ZNF469: variants seen among roughly 807,000 people sequenced by gnomAD.
ZNF469 encodes zinc finger protein 469.
ZNF469 carries 1 observed loss-of-function variant against 1.0 expected under a neutral mutation model. The ratio of observed to expected loss-of-function variants is 1.00; its 90% CI spans 0.35 to 4.73. ZNF469 has a LOEUF of 4.73. Ranked by LOEUF, ZNF469 falls within the 30% of genes most tolerant of loss-of-function variation. ZNF469 has a pLI of 0.16. For missense variants in ZNF469, 6,100 were observed against 5,356.3 expected (o/e 1.14, Z -4.33); for synonymous variants, 2,703 against 2,363.4 (o/e 1.14, Z -4.17).
At position 88,437,558 on chromosome 16, in the gene ZNF469, G is replaced by T; in HGVS notation, c.10088G>T (p.Arg3363Leu). 1 of 1,537,992 alleles carries T rather than the reference G, an allele frequency of 6.5e-7. No homozygotes were observed. Among genetic ancestry groups the T allele is most frequent in the Non-Finnish European group, 8.8e-7 (1 of 1,138,066 alleles). Residue 3363 changes from arginine (R) to leucine (L), a missense_variant, in exon 3 of 3, where the codon CGC becomes CTC. Coordinates refer to ENST00000565624, the MANE Select transcript of ZNF469 (RefSeq NM_001367624.2). ...CACCTGGCGGTGCACAGCCCGCAGC[G>T]CGTCTACCTGTGCCCCCGGTGCCCC... The part of the protein sequence containing the change: ...QRHLAVHSPQ[R>L]VYLCPRCPRV...
the ZNF469 span, among the ~76,000 whole-genome samples, chr16:88,359,605 A>G: frequency 5.7e-3 from 872 of 152,350 alleles, 11 homozygotes; most frequent in African/African-American, 0.019. Context: ...GTTTCAGTCC[A>G]CTTATCTAAG....
chr16:88,239,635 C>T, the ZNF469 span, among the ~76,000 whole-genome samples: 1 of 133,248 alleles, frequency 7.5e-6, no homozygotes, highest in Non-Finnish European at 1.6e-5. Context: ...CTACAGGCAC[C>T]TGCCACCACG....
the ZNF469 span, among the ~76,000 whole-genome samples, chr16:88,353,867 G>A: frequency 1.3e-5 from 2 of 152,190 alleles, no homozygotes; most frequent in African/African-American, 4.8e-5. Flanking sequence ...CTCTCCTGGA[G>A]CTTCCGGAGG....
At chr16:88,364,489 CAAA>C in the ZNF469 span, among the ~76,000 whole-genome samples, 91 of 56,152 alleles carry the variant, frequency 1.6e-3, no homozygotes, top group East Asian at 4.7e-3. Flanking sequence ...TGTTGATTTC[CAAA>C]AAAAAAAAAA....
chr16:88,366,803 T>C, the ZNF469 span, among the ~76,000 whole-genome samples: 2 of 146,794 alleles, frequency 1.4e-5, no homozygotes, highest in Non-Finnish European at 3.0e-5. Context: ...CCAATACCAT[T>C]ACTGTCATCA....
chr16:88,269,530 T>C, the ZNF469 span, among the ~76,000 whole-genome samples: 1 of 152,166 alleles, frequency 6.6e-6, no homozygotes. Context: ...ACTATGTGAC[T>C]TTCCAAACAC....
chr16:88,436,170 C>A lies in ZNF469; in HGVS notation c.8700C>A (p.Asp2900Glu), dbSNP rs764632868. 2 of 1,547,694 alleles carry A rather than the reference C, an allele frequency of 1.3e-6. No homozygotes were observed. The highest frequency in any genetic ancestry group is 2.0e-5 in the Admixed American group (1 of 51,012). The change falls in exon 3 of 3, where the codon GAC (aspartate) becomes GAA (glutamate). Residue 2900 changes from aspartate (D) to glutamate (E), a missense_variant. Coordinates refer to ENST00000565624, the MANE Select transcript of ZNF469 (RefSeq NM_001367624.2). ...AGCCCAGCTTTGAGGAGGGCGGTGA[C>A]CCCACGCTGGGCCCAGCCCGCCTGC... is the stretch of plus-strand genomic sequence containing the variant. ...PTQPSFEEGG[D>E]PTLGPARLPT... is the part of the protein sequence containing the mutation.
the ZNF469 span, among the ~76,000 whole-genome samples, chr16:88,268,152 T>C: frequency 6.6e-6 from 1 of 152,244 alleles, no homozygotes; most frequent in Non-Finnish European, 1.5e-5. Flanking sequence ...CTTTTCCCTA[T>C]ATTTTAAATG....
chr16:88,430,107 C>T lies in ZNF469; in HGVS notation c.2637C>T (p.Pro879=), dbSNP rs1173377817. 6.5e-6 allele frequency: 10 copies of T among 1,542,298 alleles called. No individual in the cohort carries two copies. In the East Asian group the frequency reaches 2.4e-4, roughly 38 times the overall value. The change falls in exon 3 of 3, where the codon CCC becomes CCT. Residue 879 remains proline, a synonymous_variant. Coordinates refer to ENST00000565624, the MANE Select transcript of ZNF469 (RefSeq NM_001367624.2). ...AGGAGCCTTCCGGCCCCAGAGGTCC[C>T]AGCTCCGGACACCCCCTTAAGAGCA... ...ADEEPSGPRG[P]SSGHPLKSKA... is the part of the protein sequence containing the mutation.
At chr16:88,372,626 C>A in the ZNF469 span, among the ~76,000 whole-genome samples, 1 of 151,540 alleles carries the variant, frequency 6.6e-6, no homozygotes, top group Non-Finnish European at 1.5e-5. Context: ...TTGTCATCTT[C>A]ACCATCACCA....
chr16:88,334,044 CTGTGTGTCTGTGTCTG>C, the ZNF469 span, among the ~76,000 whole-genome samples: 3 of 146,590 alleles, frequency 2.0e-5, no homozygotes, highest in African/African-American at 7.6e-5. Flanking sequence ...ATGTGTGTCT[CTGTGTGTCTGTGTCTG>C]TGTGTGTCTG....
At chr16:88,333,095 T>A in the ZNF469 span, among the ~76,000 whole-genome samples, 8 of 152,304 alleles carry the variant, frequency 5.3e-5, no homozygotes, top group Non-Finnish European at 8.8e-5. Flanking sequence ...GGAGGCCTGC[T>A]GGGATCATGT....
At chr16:88,385,013 G>A (rs969600501) in intron 1 of ZNF469, among the ~76,000 whole-genome samples, 6 of 152,122 alleles carry the variant, frequency 3.9e-5, no homozygotes, top group African/African-American at 1.2e-4. Flanking sequence ...GTTACACATG[G>A]CTGCCTTTGG....
rs1157494190 is a variant in ZNF469, at chr16:88,437,893, C to T, written c.10423C>T (p.Arg3475Cys). ...CGAGGGCACACTGCCCAGCAAACGG[C>T]GCAGGGTGGCCATGCCCGGCAGTGC... Reference protein sequence around the residue: ...ALEGTLPSKRRRVAMPGSAPG... With the variant: ...ALEGTLPSKRCRVAMPGSAPG... Residue 3475 changes from arginine to cysteine, a missense_variant, in exon 3 of 3, where the codon CGC (arginine) becomes TGC (cysteine). Arg to Cys is a radical substitution (Grantham distance 180, BLOSUM62 -3). Coordinates refer to ENST00000565624, the MANE Select transcript of ZNF469 (RefSeq NM_001367624.2). 2 of 1,540,382 alleles carry T rather than the reference C, an allele frequency of 1.3e-6. No homozygotes were observed. Among genetic ancestry groups the T allele is most frequent in the South Asian group, 1.2e-5 (1 of 83,784 alleles).
chr16:88,149,034 T>A, the ZNF469 span, among the ~76,000 whole-genome samples: 1 of 152,166 alleles, frequency 6.6e-6, no homozygotes, highest in African/African-American at 2.4e-5. Context: ...TTGTGCCTGC[T>A]CCATTTATTA....
At chr16:88,151,420 G>C in the ZNF469 span, among the ~76,000 whole-genome samples, 6 of 152,252 alleles carry the variant, frequency 3.9e-5, no homozygotes, top group East Asian at 3.8e-4. This position sits in a 1 kb window ranked among gnomAD's most constrained non-coding sequence, Gnocchi z 5.4. Flanking sequence ...TTTCCCGATG[G>C]AACGGCGGGA....
chr16:88,328,746 T>C, the ZNF469 span, among the ~76,000 whole-genome samples: 1 of 151,994 alleles, frequency 6.6e-6, no homozygotes. Flanking sequence ...GAGGGTGCGG[T>C]GTGAGCAACA....
chr16:88,396,375 GCCAGGCAGAGACCCAT>G (rs1269135065), intron 1 of ZNF469, among the ~76,000 whole-genome samples: 3 of 152,144 alleles, frequency 2.0e-5, no homozygotes, highest in Admixed American at 6.5e-5. Flanking sequence ...TTGAAGGGAG[GCCAGGCAGAGACCCAT>G]CTGAAGGGAG....
At chr16:88,341,531 G>C in the ZNF469 span, among the ~76,000 whole-genome samples, 2 of 152,164 alleles carry the variant, frequency 1.3e-5, no homozygotes, top group Admixed American at 1.3e-4. Context: ...ATTTCCTTTC[G>C]CATTGACTCT....
Sources: gnomAD v4.1 joint callset for allele counts (sites outside exome capture counted in the v4.1 genomes callset) on GRCh38, gnomAD v4.1.1 for gene constraint, Gnocchi (gnomAD v3.1) non-coding constraint, MANE v1.5 for transcripts, NCBI Gene and HGNC (gene_info 2026-07-23, HGNC 2026-07-21) for gene names.